The following GNE variants were observed in gnomAD, a reference collection of about 807,000 sequenced individuals.
The protein encoded by GNE is bifunctional UDP-N-acetylglucosamine 2-epimerase/N-acetylmannosamine kinase.
GNE carries 41 observed loss-of-function variants against 61.8 expected under a neutral mutation model. The observed-to-expected ratio is 0.66, with a 90% confidence interval of 0.52 to 0.86. The LOEUF (loss-of-function observed/expected upper bound fraction) is 0.86. Ranked by LOEUF, GNE falls within the 40% of genes least tolerant of loss-of-function variation. The pLI, the probability that GNE is intolerant of heterozygous loss-of-function variation, is 0.00. For synonymous variants in GNE, 264 were observed against 326.4 expected, an observed-to-expected ratio of 0.81 and a Z score of 2.06; for missense variants, 608 against 909.1, an observed-to-expected ratio of 0.67 and a Z score of 4.26.
At chr9:36,256,594 C>T (rs575285042) in intron 1 of GNE, among the ~76,000 whole-genome samples, 2 of 152,116 alleles carry the variant, frequency 1.3e-5, no homozygotes, top group Non-Finnish European at 2.9e-5. Flanking sequence ...AACTCAAGAC[C>T]GTCCATTATA....
At chr9:36,242,054 T>C (rs1829650394) in intron 3 of GNE, among the ~76,000 whole-genome samples, 1 of 151,912 alleles carries the variant, frequency 6.6e-6, no homozygotes, top group African/African-American at 2.4e-5. Context: ...GAGTATTGCT[T>C]AAACCTGGGA....
chr9:36,238,496 T>C (rs1829500005), intron 3 of GNE, among the ~76,000 whole-genome samples: 1 of 152,236 alleles, frequency 6.6e-6, no homozygotes, highest in Admixed American at 6.5e-5. Context: ...TCCCTGATCA[T>C]TAGTGATGTT....
At chr9:36,245,281 T>A (rs931082267) in intron 3 of GNE, among the ~76,000 whole-genome samples, 7 of 148,866 alleles carry the variant, frequency 4.7e-5, no homozygotes, top group Non-Finnish European at 1.0e-4. Context: ...AAAAAAAAAA[T>A]TCAGAAAATC....
At chr9:36,234,509 C>G (rs1829312915) in intron 4 of GNE, among the ~76,000 whole-genome samples, 1 of 152,114 alleles carries the variant, frequency 6.6e-6, no homozygotes, top group African/African-American at 2.4e-5. Flanking sequence ...ACACACCAAG[C>G]TGATGAGAGA....
chr9:36,270,541 G>A (rs4879970), intron 1 of GNE, among the ~76,000 whole-genome samples: 88,605 of 143,624 alleles, frequency 0.62, 28,944 homozygotes, highest in Non-Finnish European at 0.74. Context: ...TTTTTGAGAC[G>A]GAGTCTCGCT....
In GNE at chr9:36,229,016, C is replaced by A; in HGVS notation, c.1070+5G>T. 6.5e-7 allele frequency: 1 copy of A among 1,534,628 alleles called. No individual in the cohort carries two copies. The highest frequency in any genetic ancestry group is 2.2e-5 in the East Asian group (1 of 44,510). ...ATCACTCAACAAAGAATGTTTTATA[C>A]TCACCAAGGGTACTGTTTACCAAAC... On this transcript the variant is annotated splice_donor_5th_base_variant and intron_variant, in intron 6 of 11. Coordinates refer to ENST00000642385, the MANE Select transcript of GNE (RefSeq NM_005476.7).
At chr9:36,265,426 T>C (rs1398853003) in intron 1 of GNE, 5 of 456,482 alleles carry the variant, frequency 1.1e-5, no homozygotes, top group African/African-American at 2.0e-5. Context: ...TCTAGGGAGA[T>C]GGAAGGGAGT....
intron 1 of GNE, among the ~76,000 whole-genome samples, chr9:36,267,135 A>G (rs1478285907): frequency 6.6e-6 from 1 of 152,270 alleles, no homozygotes; most frequent in Non-Finnish European, 1.5e-5. Flanking sequence ...AAGCTTTGCA[A>G]GAGCATAACA....
At chr9:36,265,169 G>T (rs1830734322) in intron 1 of GNE, 1 of 308,854 alleles carries the variant, frequency 3.2e-6, no homozygotes, top group Admixed American at 3.9e-5. Flanking sequence ...CAAGTGCCTG[G>T]GTTCGTCCTA....
chr9:36,249,706 G>A (rs1488463440), intron 1 of GNE, among the ~76,000 whole-genome samples: 3 of 151,544 alleles, frequency 2.0e-5, no homozygotes, highest in Non-Finnish European at 2.9e-5. Context: ...GTGAAACCCC[G>A]TCTCTACTAA....
At position 36,258,444 on chromosome 9, in the gene GNE, T is replaced by C; in HGVS notation, c.-166A>G. On this transcript the variant is annotated 5_prime_UTR_variant, in exon 1 of 12. Transcript: ENST00000642385. ...CGGTTTCCGCGCTCGGGCGCGCGGG[T>C]AGACGACTCGTCGCTCGACCTTGTC... is the stretch of plus-strand genomic sequence containing the variant. The C allele has an allele frequency of 6.1e-6, 6 of 985,470 alleles. No homozygotes were observed. Among genetic ancestry groups the C allele is most frequent in the Non-Finnish European group, 7.2e-6 (6 of 829,974 alleles). 61.0% of individuals were successfully genotyped at this position (985,470 alleles called of 1,614,324 possible). A position where few individuals can be genotyped will look rare whatever the true frequency, so the allele number is the denominator to read the frequency against.
intron 2 of GNE, among the ~76,000 whole-genome samples, chr9:36,248,928 T>C (rs1281809876): frequency 6.6e-6 from 1 of 152,228 alleles, no homozygotes; most frequent in African/African-American, 2.4e-5. Flanking sequence ...ATAGCTACCA[T>C]TTATCAATCA....
intron 1 of GNE, among the ~76,000 whole-genome samples, chr9:36,251,986 CTTT>C (rs34737463): frequency 2.2e-5 from 3 of 134,164 alleles, no homozygotes; most frequent in Admixed American, 7.8e-5. Flanking sequence ...ACTATCTGAT[CTTT>C]TTTTTTTTTT....
intron 9 of GNE, 23 bp downstream of exon 9, chr9:36,222,754 C>G (rs1563929984): frequency 6.6e-7 from 1 of 1,510,374 alleles, no homozygotes; most frequent in South Asian, 1.1e-5. Context: ...GCTCCTGAAC[C>G]AACCTCCCCC....
chr9:36,216,954 G>C lies in GNE; in HGVS notation c.*411C>G, dbSNP rs1828338790. ...CCCAAAGTGCTGGGATTACAGGCGT[G>C]AGCCACTGTGCCCGGCCTGGAAGGA... is the stretch of plus-strand genomic sequence containing the variant. On this transcript the variant is annotated 3_prime_UTR_variant, in exon 12 of 12. Coordinates refer to ENST00000642385, the MANE Select transcript of GNE (RefSeq NM_005476.7). The C allele has an allele frequency of 3.6e-6, 1 of 280,026 alleles. No individual in the cohort carries two copies. The highest frequency in any genetic ancestry group is 2.2e-5 in the African/African-American group (1 of 45,310). 17.3% of individuals were successfully genotyped at this position (280,026 alleles called of 1,614,324 possible).
At chr9:36,230,733 C>T (rs1050213249) in intron 5 of GNE, among the ~76,000 whole-genome samples, 4 of 150,590 alleles carry the variant, frequency 2.7e-5, no homozygotes, top group African/African-American at 9.8e-5. Flanking sequence ...GATCTTGGCT[C>T]ACTGCAAGTT....
chr9:36,267,774 T>A (rs1270023757), intron 1 of GNE: 1 of 151,902 alleles, frequency 6.6e-6, no homozygotes, highest in South Asian at 2.1e-4. Flanking sequence ...TATGAAAGTA[T>A]CATACTGTAG....
chr9:36,256,200 C>T (rs1830325851), intron 1 of GNE, among the ~76,000 whole-genome samples: 2 of 142,232 alleles, frequency 1.4e-5, no homozygotes, highest in Admixed American at 7.3e-5. Context: ...GCTTGGATTA[C>T]AGGCATGAGC....
intron 1 of GNE, among the ~76,000 whole-genome samples, chr9:36,253,550 T>C (rs1049444588): frequency 4.6e-5 from 7 of 151,658 alleles, no homozygotes; most frequent in African/African-American, 1.7e-4. Context: ...CGTGCTAGGA[T>C]TACAGGCATG....
Sources: allele counts gnomAD v4.1 joint callset (sites outside exome capture counted in the v4.1 genomes callset), GRCh38; gene constraint gnomAD v4.1.1; transcripts MANE v1.5; gene names NCBI Gene and HGNC (gene_info 2026-07-23, HGNC 2026-07-21).